Variants in HCN1 observed in about 807,000 individuals in gnomAD.
The protein encoded by HCN1 is hyperpolarization activated cyclic nucleotide gated potassium channel 1, also known as potassium/sodium hyperpolarization-activated cyclic nucleotide-gated channel 1.
A neutral mutation model predicts 78.9 loss-of-function variants in HCN1; 13 were observed. The observed-to-expected ratio is 0.16, with a 90% CI of 0.11 to 0.26. The LOEUF (loss-of-function observed/expected upper bound fraction) is 0.26. HCN1 is among the 10% of genes least tolerant of loss of function. HCN1 has a pLI of 1.00. For missense variants in HCN1, 810 were observed against 1,154.3 expected (o/e 0.70, Z 4.32); for synonymous variants, 552 against 455.5 (o/e 1.21, Z -2.70).
chr5:45,629,257 C>T (rs1433332489), intron 2 of HCN1, among the ~76,000 whole-genome samples: 1 of 151,876 alleles, frequency 6.6e-6, no homozygotes, highest in Non-Finnish European at 1.5e-5. Context: ...TATTAATATC[C>T]TTTTCTCAAG....
At chr5:45,439,774 T>C (rs76477808) in intron 3 of HCN1, among the ~76,000 whole-genome samples, 4 of 152,054 alleles carry the variant, frequency 2.6e-5, no homozygotes, top group Non-Finnish European at 5.9e-5. Context: ...GCTAATGATT[T>C]TATGTGATAT....
At chr5:45,665,303 TG>T (rs1305081055) in intron 1 of HCN1, among the ~76,000 whole-genome samples, 6 of 48,662 alleles carry the variant, frequency 1.2e-4, no homozygotes, top group Non-Finnish European at 2.2e-4. Flanking sequence ...TGTTGTGGGG[TG>T]GGGGGAGGGG....
intron 2 of HCN1, among the ~76,000 whole-genome samples, chr5:45,595,614 T>C (rs1176316016): frequency 6.6e-6 from 1 of 152,184 alleles, no homozygotes; most frequent in Non-Finnish European, 1.5e-5. Context: ...TCTAAAGATA[T>C]ATTTAAGGTA....
chr5:45,494,498 T>C (rs1741977153), intron 2 of HCN1, among the ~76,000 whole-genome samples: 1 of 151,832 alleles, frequency 6.6e-6, no homozygotes, highest in Admixed American at 6.6e-5. Context: ...TTCTGGATAT[T>C]AGCCCTTTGA....
chr5:45,342,483 C>T (rs1389188531), intron 5 of HCN1, among the ~76,000 whole-genome samples: 3 of 151,904 alleles, frequency 2.0e-5, no homozygotes, highest in Non-Finnish European at 4.4e-5. Context: ...GGTGATCCAC[C>T]TGCCTCGGCC....
In HCN1 at chr5:45,410,504, C is replaced by T. The variant is rs758439745; in HGVS notation, c.1012-13794G>A. On this transcript the variant is annotated intron_variant, in intron 3 of 7. Coordinates refer to ENST00000303230, the MANE Select transcript of HCN1 (RefSeq NM_021072.4). ...TAATGAACATTTAGAACATGAATGA[C>T]GTCAGTTAAAACTACTCCCTTACTT... 2.0e-4 allele frequency among the ~76,000 whole-genome samples: 30 copies of T among 152,018 alleles called. No individual in the cohort carries two copies. In the South Asian group the frequency reaches 3.7e-3, roughly 19 times the overall value.
At chr5:45,558,044 C>T (rs903854468) in intron 2 of HCN1, 1 of 151,728 alleles carries the variant, frequency 6.6e-6, no homozygotes, top group African/African-American at 2.4e-5. Flanking sequence ...AGCTGGGCCT[C>T]TTATGCCAAA....
intron 4 of HCN1, among the ~76,000 whole-genome samples, chr5:45,382,720 A>G (rs951754057): frequency 6.6e-6 from 1 of 152,182 alleles, no homozygotes; most frequent in African/African-American, 2.4e-5. Flanking sequence ...CTGATAAACT[A>G]TTCAAACAAG....
chr5:45,514,015 G>A (rs1184253060), intron 2 of HCN1, among the ~76,000 whole-genome samples: 1 of 152,056 alleles, frequency 6.6e-6, no homozygotes, highest in Non-Finnish European at 1.5e-5. Context: ...TTGCTGATAA[G>A]TTTTCACCTG....
In HCN1 at chr5:45,262,795, A is replaced by G; in HGVS notation, c.1799T>C (p.Ile600Thr). The part of the protein sequence containing the change: ...RLDRIGKKNS[I>T]LLQKFQKDLN... The stretch of plus-strand genomic sequence containing the variant: ...ATCCTTCTGGAACTTTTGCAGAAGA[A>G]TTGAATTTTTCTTTCCTGTCAGCAA... Residue 600 changes from isoleucine (I) to threonine (T), a missense_variant, in exon 8 of 8, where the codon ATT becomes ACT. Transcript: ENST00000303230. 4 of 1,613,962 alleles carry G rather than the reference A, an allele frequency of 2.5e-6. No homozygotes were observed. The South Asian group carries it at 4.4e-5, about 18-fold the overall frequency.
At chr5:45,356,549 T>C (rs1747010576) in intron 4 of HCN1, among the ~76,000 whole-genome samples, 1 of 151,994 alleles carries the variant, frequency 6.6e-6, no homozygotes, top group African/African-American at 2.4e-5. Context: ...CTTATATAGA[T>C]AATTACAGGC....
intron 4 of HCN1, among the ~76,000 whole-genome samples, chr5:45,369,970 T>G (rs1561126664): frequency 1.3e-5 from 2 of 151,970 alleles, no homozygotes; most frequent in Admixed American, 6.6e-5. Flanking sequence ...CAAAATATAC[T>G]GTGCTATAAG....
At chr5:45,416,643 T>A (rs1579879708) in intron 3 of HCN1, among the ~76,000 whole-genome samples, 1 of 152,092 alleles carries the variant, frequency 6.6e-6, no homozygotes, top group Admixed American at 6.6e-5. Flanking sequence ...CAGTACTATA[T>A]ATATGCTATT....
At position 45,461,083 on chromosome 5, in the gene HCN1, C is replaced by G. The variant is rs202109960; in HGVS notation, c.1011+763G>C. On this transcript the variant is annotated intron_variant, in intron 3 of 7. Transcript: ENST00000303230. The stretch of plus-strand genomic sequence containing the variant: ...CAGGAAGAAAATATGGGAACTTATA[C>G]AAAAAGAACAAACATTTGTGAACAC... Among the ~76,000 whole-genome samples the G allele has an allele frequency of 1.4e-4, 21 of 151,704 alleles. 1 individual carries two copies. In the East Asian group the frequency reaches 4.1e-3, roughly 29 times the overall value.
intron 2 of HCN1, among the ~76,000 whole-genome samples, chr5:45,591,688 T>C (rs1273981842): frequency 6.6e-6 from 1 of 152,248 alleles, no homozygotes; most frequent in Non-Finnish European, 1.5e-5. Flanking sequence ...AACAGGCCTC[T>C]ATCAGATGTA....
Position 45,259,043 on chromosome 5 carries a change from A to G in HCN1, c.*2878T>C, listed in dbSNP as rs1043524007. On this transcript the variant is annotated 3_prime_UTR_variant, in exon 8 of 8. Transcript: ENST00000303230. Reference sequence around the variant, plus strand: ...AATAAGCTCATATTTTACTATACGAAAAAGGTAAACAAAGAAGTGGTTGAA... The same window carrying G: ...AATAAGCTCATATTTTACTATACGAGAAAGGTAAACAAAGAAGTGGTTGAA... 6.6e-6 allele frequency: 1 copy of G among 151,966 alleles called. No homozygotes were observed. The highest frequency in any genetic ancestry group is 2.4e-5 in the African/African-American group (1 of 41,426). 9.4% of individuals were successfully genotyped at this position (151,966 alleles called of 1,614,324 possible).
Position 45,267,034 on chromosome 5 carries a change from C to A in HCN1, c.1783+55G>T, listed in dbSNP as rs184293907. The A allele has an allele frequency of 2.0e-4, 284 of 1,445,724 alleles. 1 individual carries two copies. The highest frequency in any genetic ancestry group is 2.5e-4 in the Non-Finnish European group (257 of 1,027,168). 89.6% of individuals were successfully genotyped at this position (1,445,724 alleles called of 1,614,324 possible). ...GCATTTGGGACTTATAATTGCAAAC[C>A]TGTATTATGCCAGGAGATTAAATTT... On this transcript the variant is annotated intron_variant, in intron 7 of 7. Coordinates refer to ENST00000303230, the MANE Select transcript of HCN1 (RefSeq NM_021072.4).
chr5:45,447,692 A>T (rs990785159), intron 3 of HCN1, among the ~76,000 whole-genome samples: 3 of 152,174 alleles, frequency 2.0e-5, no homozygotes, highest in Non-Finnish European at 4.4e-5. Context: ...CCTGTTATTA[A>T]CTTAACTCAG....
intron 2 of HCN1, among the ~76,000 whole-genome samples, chr5:45,514,932 CT>C (rs1213401109): frequency 4.0e-5 from 6 of 151,702 alleles, no homozygotes; most frequent in Admixed American, 3.9e-4. Context: ...AATTTCAATC[CT>C]TCTATCCTAA....
Sources: allele counts gnomAD v4.1 joint callset (sites outside exome capture counted in the v4.1 genomes callset), GRCh38; gene constraint gnomAD v4.1.1; transcripts MANE v1.5; gene names NCBI Gene and HGNC (gene_info 2026-07-23, HGNC 2026-07-21).